The following MYH14 variants were observed in gnomAD, a reference collection of about 807,000 sequenced individuals.
MYH14 encodes the protein myosin heavy chain 14, also known as myosin-14.
Under a neutral mutation model 255.5 loss-of-function variants are expected in MYH14, and 123 were observed. The ratio of observed to expected loss-of-function variants is 0.48; its 90% CI spans 0.42 to 0.56. The LOEUF is 0.56. Ranked by LOEUF, MYH14 falls within the 20% of genes least tolerant of loss-of-function variation. MYH14 has a pLI of 0.00. For missense variants in MYH14, 2,423 were observed against 2,802.3 expected, an observed-to-expected ratio of 0.86 and a Z score of 3.06; for synonymous variants, 1,095 against 1,161.2, an observed-to-expected ratio of 0.94 and a Z score of 1.16.
chr19:50,281,815 G>T lies in MYH14; in HGVS notation c.4512G>T (p.Leu1504=). 1 of 1,612,468 alleles carries T rather than the reference G, an allele frequency of 6.2e-7. No individual in the cohort carries two copies. Residue 1504 remains leucine (L), a synonymous_variant, in exon 33 of 43, where the codon CTG becomes CTT. Transcript: ENST00000642316. ...LEQQRQLVST[L]EKKQRKFDQL... ...AGCAGCGGCAGCTTGTGAGCACCCT[G>T]GAGAAGAAGCAGCGCAAGTTTGACC... is the stretch of plus-strand genomic sequence containing the variant.
chr19:50,294,526 C>G (rs1480150712), intron 39 of MYH14, among the ~76,000 whole-genome samples: 1 of 150,538 alleles, frequency 6.6e-6, no homozygotes, highest in African/African-American at 2.4e-5. Flanking sequence ...CCTCTGCCTC[C>G]CAGGTTCAAG....
chr19:50,229,860 C>T (rs921017647), intron 8 of MYH14, among the ~76,000 whole-genome samples: 3 of 152,064 alleles, frequency 2.0e-5, no homozygotes, highest in Admixed American at 6.6e-5. Context: ...GTTCAGGGTG[C>T]TTCATGCACA....
At position 50,258,721 on chromosome 19, in the gene MYH14, CAAAAAAAAAA is replaced by C. The variant is rs1160071813; in HGVS notation, c.2233-409_2233-400del. Reference sequence around the variant, plus strand: ...TGGGCAACAGAGCAAGACTCTGTCTCAAAAAAAAAAAAAAAAAAAAAAACGAACAAACAAA... The same window carrying C: ...TGGGCAACAGAGCAAGACTCTGTCTCAAAAAAAAAAAAACGAACAAACAAA... On this transcript the variant is annotated intron_variant, in intron 18 of 42. Coordinates refer to ENST00000642316, the MANE Select transcript of MYH14 (RefSeq NM_001145809.2). The C allele has an allele frequency of 5.4e-3, 184 of 33,946 alleles. 1 individual carries two copies. The highest frequency in any genetic ancestry group is 0.016 in the African/African-American group (173 of 10,800). The allele number at this position is 33,946 out of a possible 1,614,324, so 2.1% of individuals were successfully genotyped here.
Position 50,249,793 on chromosome 19 carries a change from G to T in MYH14, c.1626G>T (p.Leu542=). 6.2e-7 allele frequency: 1 copy of T among 1,614,202 alleles called. No homozygotes were observed. The highest frequency in any genetic ancestry group is 1.7e-5 in the Admixed American group (1 of 60,018). The change falls in exon 14 of 43, where the codon CTG becomes CTT. Residue 542 remains leucine, a synonymous_variant. Transcript: ENST00000642316. ...CCTTCCTCGACTTTGGCCTCGACCT[G>T]CAGCCCTGCATCGACCTCATCGAGC... is the stretch of plus-strand genomic sequence containing the variant. The part of the protein sequence containing the change: ...PWTFLDFGLD[L]QPCIDLIERP...
chr19:50,289,562 G>C lies in MYH14; in HGVS notation c.4879G>C (p.Val1627Leu), dbSNP rs779965701. The C allele has an allele frequency of 4.3e-6, 7 of 1,612,904 alleles. No homozygotes were observed. The highest frequency in any genetic ancestry group is 5.1e-6 in the Non-Finnish European group (6 of 1,179,626). The change falls in exon 35 of 43, where the codon GTG becomes CTG. Residue 1627 changes from valine to leucine, a missense_variant. By Grantham distance (32) the Val-to-Leu change is conservative (BLOSUM62 1). Transcript: ENST00000642316. ...TGCCAAGCTGCGTCTGGAGGTGACT[G>C]TGCAGGCTCTCAAGACTCAGCATGA... ...EDAKLRLEVT[V>L]QALKTQHERD...
intron 22 of MYH14, among the ~76,000 whole-genome samples, chr19:50,263,774 G>C (rs919516155): frequency 6.6e-6 from 1 of 152,074 alleles, no homozygotes; most frequent in African/African-American, 2.4e-5. Context: ...AACAGCAAAG[G>C]TGCTGGGTGC....
At chr19:50,307,269 T>A (rs1484052639) in intron 41 of MYH14, 112 bp downstream of exon 41, 1 of 665,760 alleles carries the variant, frequency 1.5e-6, no homozygotes, top group African/African-American at 1.8e-5. Context: ...AATGTGCAGG[T>A]GCTGGACTGG....
intron 10 of MYH14, among the ~76,000 whole-genome samples, chr19:50,241,296 G>T (rs529971010): frequency 6.6e-6 from 1 of 152,248 alleles, no homozygotes; most frequent in South Asian, 2.1e-4. Flanking sequence ...TTAGCTGGGC[G>T]TGTTGGCATG....
intron 3 of MYH14, 94 bp downstream of exon 3, chr19:50,217,865 A>G: frequency 6.8e-7 from 1 of 1,480,100 alleles, no homozygotes; most frequent in Non-Finnish European, 9.2e-7. Context: ...GTCAAATGAC[A>G]GCTTGTAGAC....
chr19:50,295,657 G>A (rs2036241925), intron 39 of MYH14, among the ~76,000 whole-genome samples: 1 of 151,908 alleles, frequency 6.6e-6, no homozygotes. Context: ...TGGGTGTGGT[G>A]GTGCACACCT....
At chr19:50,212,840 C>A (rs1402362021) in intron 2 of MYH14, among the ~76,000 whole-genome samples, 1 of 152,216 alleles carries the variant, frequency 6.6e-6, no homozygotes, top group Non-Finnish European at 1.5e-5. Flanking sequence ...CCTCAAACAC[C>A]TTTACTAGCC....
At chr19:50,243,952 G>A (rs1458633369) in intron 10 of MYH14, among the ~76,000 whole-genome samples, 1 of 151,798 alleles carries the variant, frequency 6.6e-6, no homozygotes, top group East Asian at 1.9e-4. Context: ...CATATTTCAA[G>A]GCCTGCCCAG....
At position 50,290,950 on chromosome 19, in the gene MYH14, C is replaced by G; in HGVS notation, c.5029C>G (p.Arg1677Gly). Residue 1677 changes from arginine (R) to glycine (G), a missense_variant, in exon 36 of 43, where the codon CGC becomes GGC. Transcript: ENST00000642316. ...RKQRTLAVAARKKLEGELEEL... is the reference protein window; with the variant it reads ...RKQRTLAVAAGKKLEGELEEL... ...GCAGCGCACTCTGGCCGTGGCTGCC[C>G]GCAAGAAGCTGGAGGGAGAGCTGGA... The G allele has an allele frequency of 6.3e-7, 1 of 1,599,012 alleles. No homozygotes were observed. The highest frequency in any genetic ancestry group is 8.5e-7 in the Non-Finnish European group (1 of 1,173,502).
In MYH14 at chr19:50,278,241, T is replaced by G. The variant is rs558592237; in HGVS notation, c.3984T>G (p.Asp1328Glu). The G allele has an allele frequency of 1.3e-5, 21 of 1,596,372 alleles. No homozygotes were observed. The South Asian group carries it at 2.3e-4, about 17-fold the overall frequency. ...QLQEVQGRAG[D>E]GERARAEAAE... ...AGGAGGTGCAGGGCCGGGCTGGTGA[T>G]GGGGAGAGGGCACGAGCGGAGGCTG... is the stretch of plus-strand genomic sequence containing the variant. Residue 1328 changes from aspartate to glutamate, a missense_variant, in exon 30 of 43, where the codon GAT (aspartate) becomes GAG (glutamate). Transcript: ENST00000642316.
At position 50,286,503 on chromosome 19, in the gene MYH14, G is replaced by A. The variant is rs2035892062; in HGVS notation, c.4561G>A (p.Ala1521Thr). 6.2e-7 allele frequency: 1 copy of A among 1,613,302 alleles called. No homozygotes were observed. Residue 1521 changes from alanine (A) to threonine (T), a missense_variant, in exon 34 of 43, where the codon GCT becomes ACT. Physicochemically the swap from Ala to Thr is moderately conservative, Grantham distance 58. Transcript: ENST00000642316. ...FDQLLAEEKA[A>T]VLRAVEERER... ...GAAGCTTCTGGCAGAGGAGAAGGCA[G>A]CTGTACTTCGGGCAGTGGAGGAACG...
At chr19:50,254,065 A>C (rs563862648) in intron 16 of MYH14, among the ~76,000 whole-genome samples, 2 of 152,178 alleles carry the variant, frequency 1.3e-5, no homozygotes, top group East Asian at 3.9e-4. Flanking sequence ...TAAAAATACA[A>C]AATTAGCTGG....
At chr19:50,242,429 C>T (rs1202660452) in intron 10 of MYH14, among the ~76,000 whole-genome samples, 2 of 152,118 alleles carry the variant, frequency 1.3e-5, no homozygotes, top group African/African-American at 4.8e-5. Flanking sequence ...TACATGGTGG[C>T]AGGCAAGACA....
intron 5 of MYH14, 122 bp from the exon 6 acceptor site, chr19:50,224,032 T>TTCCCCCTCCCCCCCCCCCCCCCCCCC: frequency 1.6e-6 from 1 of 610,332 alleles, no homozygotes. Context: ...ATGCCCGGTT[T>TTCCCCCTCCCCCCCCCCCCCCCCCCC]CCCCAGTCCC....
intron 5 of MYH14, 118 bp from the exon 6 acceptor site, chr19:50,224,036 C>T (rs1239842311): frequency 6.0e-6 from 4 of 667,708 alleles, no homozygotes; most frequent in South Asian, 1.6e-5. Flanking sequence ...CCGGTTTCCC[C>T]AGTCCCCCTT....
Sources: gnomAD v4.1 joint callset for allele counts (sites outside exome capture counted in the v4.1 genomes callset) on GRCh38, gnomAD v4.1.1 for gene constraint, MANE v1.5 for transcripts, NCBI Gene and HGNC (gene_info 2026-07-23, HGNC 2026-07-21) for gene names.